Variants in NOVA1 observed in about 807,000 individuals in gnomAD.
The protein encoded by NOVA1 is NOVA alternative splicing regulator 1, also known as RNA-binding protein Nova-1.
NOVA1 carries 7 observed loss-of-function variants against 38.0 expected under a neutral mutation model. That is an observed-to-expected ratio of 0.18 (90% confidence interval 0.10 to 0.35). NOVA1 has a LOEUF of 0.35. NOVA1 is among the 10% of genes least tolerant of loss of function. The pLI, the probability that NOVA1 is intolerant of heterozygous loss-of-function variation, is 1.00. For synonymous variants in NOVA1, 270 were observed against 232.5 expected (o/e 1.16, Z -1.47); for missense variants, 460 against 616.0 (o/e 0.75, Z 2.68).
intron 2 of NOVA1, among the ~76,000 whole-genome samples, chr14:26,552,072 T>C (rs1891195431): frequency 6.6e-6 from 1 of 152,088 alleles, no homozygotes; most frequent in South Asian, 2.1e-4. Context: ...AACAACTATA[T>C]GGGTGGTTCC....
Position 26,538,459 on chromosome 14 carries a change from A to C in NOVA1, c.280+56951T>G, listed in dbSNP as rs530760301. On this transcript the variant is annotated intron_variant, in intron 2 of 4. Transcript: ENST00000539517. ...TAAAAAATTATACTACATTTTTACC[A>C]TGGAAAAGTTTATGTCGATTAAATT... is the stretch of plus-strand genomic sequence containing the variant. Among the ~76,000 whole-genome samples, 101 of 152,308 alleles carry C rather than the reference A, an allele frequency of 6.6e-4. 1 individual carries two copies. The highest frequency in any genetic ancestry group is 2.0e-3 in the African/African-American group (84 of 41,576).
At chr14:26,508,022 A>G (rs567519411) in intron 2 of NOVA1, among the ~76,000 whole-genome samples, 1 of 152,196 alleles carries the variant, frequency 6.6e-6, no homozygotes, top group African/African-American at 2.4e-5. Context: ...AGTGATCTCT[A>G]AAGTTTTTCT....
intron 2 of NOVA1, among the ~76,000 whole-genome samples, chr14:26,507,483 T>A (rs1279562737): frequency 6.6e-6 from 1 of 152,140 alleles, no homozygotes; most frequent in Non-Finnish European, 1.5e-5. Context: ...TATGAAGTTG[T>A]CCAAAACAAA....
chr14:26,464,207 G>A (rs960095314), intron 4 of NOVA1, among the ~76,000 whole-genome samples: 1 of 152,098 alleles, frequency 6.6e-6, no homozygotes, highest in South Asian at 2.1e-4. Context: ...TCAATGACAG[G>A]CCACATATAT....
chr14:26,597,157 G>T, intron 1 of NOVA1, 144 bp downstream of exon 1: 2 of 1,196,412 alleles, frequency 1.7e-6, no homozygotes, highest in Non-Finnish European at 2.1e-6. Context: ...CGCGGGGCAG[G>T]GGCGCAGGGG....
chr14:26,462,490 T>C (rs974104700), intron 4 of NOVA1, among the ~76,000 whole-genome samples: 4 of 152,214 alleles, frequency 2.6e-5, no homozygotes, highest in Admixed American at 6.5e-5. Flanking sequence ...TGTTCAAATA[T>C]AGATGCAAAA....
chr14:26,482,583 A>G (rs1424212542), intron 2 of NOVA1, among the ~76,000 whole-genome samples: 1 of 152,180 alleles, frequency 6.6e-6, no homozygotes, highest in Non-Finnish European at 1.5e-5. Flanking sequence ...TTATCATTTT[A>G]TTTAACAGTA....
intron 4 of NOVA1, 106 bp from the exon 5 acceptor site, chr14:26,449,069 T>C (rs1882392809): frequency 2.8e-6 from 3 of 1,057,502 alleles, no homozygotes; most frequent in Admixed American, 2.6e-5. Context: ...AAATTAAACA[T>C]AATTTATGAA....
intron 2 of NOVA1, among the ~76,000 whole-genome samples, chr14:26,591,215 A>G (rs1417853046): frequency 5.3e-5 from 8 of 151,718 alleles, no homozygotes; most frequent in Admixed American, 6.6e-5. Flanking sequence ...TAAGTAAAAG[A>G]TTATGTTTCT....
In NOVA1 at chr14:26,448,124, T is replaced by C; in HGVS notation, c.1359A>G (p.Ala453=). 4 of 1,614,184 alleles carry C rather than the reference T, an allele frequency of 2.5e-6. No homozygotes were observed. In the Admixed American group the frequency reaches 5.0e-5, roughly 20 times the overall value. The change falls in exon 5 of 5, where the codon GCA becomes GCG. Residue 453 remains alanine (A), a synonymous_variant. Coordinates refer to ENST00000539517, the MANE Select transcript of NOVA1 (RefSeq NM_002515.3). The surrounding 1 kb of genome is among the most constrained non-coding windows in gnomAD (Gnocchi z 5.3). ...CTCCTTTTTTGGAGATCTGTATCCT[T>C]GCACCAGTCAACTCCTGGTATTCCA... ...TLVEYQELTG[A]RIQISKKGEF... is the part of the protein sequence containing the mutation.
rs932126851 is a variant in NOVA1, at chr14:26,445,804, T to A, written c.*2155A>T. ...GACAGCATGGTGAAAGAAATTTACA[T>A]AGATATTATTTACTGTTAATGTATT... On this transcript the variant is annotated 3_prime_UTR_variant, in exon 5 of 5. Transcript: ENST00000539517. The A allele has an allele frequency of 6.6e-6, 1 of 152,578 alleles. No homozygotes were observed. The highest frequency in any genetic ancestry group is 1.5e-5 in the Non-Finnish European group (1 of 68,032). 9.5% of individuals were successfully genotyped at this position (152,578 alleles called of 1,614,324 possible).
At chr14:26,539,113 T>C (rs1890288857) in intron 2 of NOVA1, among the ~76,000 whole-genome samples, 1 of 152,150 alleles carries the variant, frequency 6.6e-6, no homozygotes, top group South Asian at 2.1e-4. Flanking sequence ...TAAAATTCTC[T>C]ATTTGGGTTA....
chr14:26,595,626 G>C, intron 1 of NOVA1, 73 bp from the exon 2 acceptor site: 2 of 1,345,654 alleles, frequency 1.5e-6, no homozygotes, highest in Non-Finnish European at 2.0e-6. Context: ...ACCCTCAAGA[G>C]AGAAAAACAG....
chr14:26,494,921 T>TTCTCA (rs1055561954), intron 2 of NOVA1, among the ~76,000 whole-genome samples: 12 of 152,326 alleles, frequency 7.9e-5, no homozygotes, highest in Non-Finnish European at 1.5e-4. Flanking sequence ...ACTTAACGGC[T>TTCTCA]TCTCATCTCA....
intron 2 of NOVA1, among the ~76,000 whole-genome samples, chr14:26,556,448 T>C (rs1179094420): frequency 1.3e-5 from 2 of 151,908 alleles, no homozygotes; most frequent in African/African-American, 4.8e-5. Context: ...GACATCCACA[T>C]GCCAAAAAAT....
At chr14:26,535,062 G>C (rs1261007402) in intron 2 of NOVA1, among the ~76,000 whole-genome samples, 1 of 152,154 alleles carries the variant, frequency 6.6e-6, no homozygotes, top group Non-Finnish European at 1.5e-5. Flanking sequence ...AATTGTTATA[G>C]TGATCACAGG....
chr14:26,484,352 C>T lies in NOVA1; in HGVS notation c.281-4209G>A, dbSNP rs370068508. On this transcript the variant is annotated intron_variant, in intron 2 of 4. Coordinates refer to ENST00000539517, the MANE Select transcript of NOVA1 (RefSeq NM_002515.3). ...TCAGGAGGCTGAGGCAGGAGAATGA[C>T]GCGAACCCGTGAGGCGGAGCTTGCA... 2.3e-4 allele frequency among the ~76,000 whole-genome samples: 30 copies of T among 130,902 alleles called. 1 individual carries two copies. In the East Asian group the frequency reaches 5.6e-3, roughly 24 times the overall value. The allele number at this position is 130,902 out of a possible 152,430, so 85.9% of individuals were successfully genotyped here.
intron 2 of NOVA1, among the ~76,000 whole-genome samples, chr14:26,480,742 T>A (rs1380933163): frequency 1.3e-5 from 2 of 152,072 alleles, no homozygotes; most frequent in African/African-American, 4.8e-5. Context: ...TGCTGTAGTA[T>A]CCTCAAAGTT....
chr14:26,458,052 C>A (rs562127685), intron 4 of NOVA1, among the ~76,000 whole-genome samples: 1 of 152,192 alleles, frequency 6.6e-6, no homozygotes, highest in African/African-American at 2.4e-5. Flanking sequence ...AGAAGACATA[C>A]ATGTGGCCAA....
Sources: gnomAD v4.1 joint callset for allele counts (sites outside exome capture counted in the v4.1 genomes callset) on GRCh38, gnomAD v4.1.1 for gene constraint, Gnocchi (gnomAD v3.1) non-coding constraint, MANE v1.5 for transcripts, NCBI Gene and HGNC (gene_info 2026-07-23, HGNC 2026-07-21) for gene names.